TRIM55: variants seen among roughly 807,000 people sequenced by gnomAD.
TRIM55 encodes the protein tripartite motif containing 55.
In TRIM55, 50 loss-of-function variants were observed where a neutral mutation model predicts 60.9. The ratio of observed to expected loss-of-function variants is 0.82; its 90% CI spans 0.65 to 1.04. The LOEUF (loss-of-function observed/expected upper bound fraction) is 1.04, where lower values mean the gene tolerates loss of function less well. Among genes scored for constraint, TRIM55 ranks in the 50% least tolerant of loss-of-function variants. The pLI, the probability that TRIM55 is intolerant of heterozygous loss-of-function variation, is 0.00. For synonymous variants in TRIM55, 237 were observed against 238.1 expected (o/e 1.00, Z 0.04); for missense variants, 681 against 666.9 (o/e 1.02, Z -0.23).
intron 4 of TRIM55, among the ~76,000 whole-genome samples, chr8:66,147,705 G>A (rs1810170820): frequency 6.9e-6 from 1 of 144,370 alleles, no homozygotes; most frequent in South Asian, 2.3e-4. Context: ...TGAGGCAGGA[G>A]AATCACTTGA....
In TRIM55 at chr8:66,167,630, T is replaced by C. The variant is rs144972004; in HGVS notation, c.1525-6841T>C. 4.3e-3 allele frequency among the ~76,000 whole-genome samples: 660 copies of C among 152,286 alleles called. 2 individuals carry two copies. Among genetic ancestry groups the C allele is most frequent in the Middle Eastern group, 0.01 (3 of 294 alleles). On this transcript the variant is annotated intron_variant, in intron 9 of 9. Coordinates refer to ENST00000315962, the MANE Select transcript of TRIM55 (RefSeq NM_184085.2). Reference sequence around the variant, plus strand: ...GATGGGCCTCAGGAAATTATTCTCATTTCCGATTTTCTCTTAGCAAGAAGG... The same window carrying C: ...GATGGGCCTCAGGAAATTATTCTCACTTCCGATTTTCTCTTAGCAAGAAGG...
chr8:66,146,207 C>T (rs1167679706), intron 4 of TRIM55, among the ~76,000 whole-genome samples: 1 of 151,678 alleles, frequency 6.6e-6, no homozygotes, highest in Admixed American at 6.6e-5. Flanking sequence ...AAGCATAGAC[C>T]GCATATGGGG....
At chr8:66,135,331 G>A (rs1425937085) in intron 3 of TRIM55, among the ~76,000 whole-genome samples, 176 bp downstream of exon 3, 1 of 152,228 alleles carries the variant, frequency 6.6e-6, no homozygotes, top group Non-Finnish European at 1.5e-5. Flanking sequence ...AGTTGTGCAC[G>A]AGGCACACAC....
intron 6 of TRIM55, 27 bp from the exon 7 acceptor site, chr8:66,150,315 G>A: frequency 6.2e-7 from 1 of 1,614,084 alleles, no homozygotes; most frequent in Non-Finnish European, 8.5e-7. Context: ...AACAGTGACA[G>A]AAAGTGGCAA....
At chr8:66,136,497 C>A (rs1364896165) in intron 3 of TRIM55, among the ~76,000 whole-genome samples, 1 of 152,186 alleles carries the variant, frequency 6.6e-6, no homozygotes, top group Non-Finnish European at 1.5e-5. Context: ...AAGTGCCCCT[C>A]CAGTGCTCCT....
rs116074511 is a variant in TRIM55, at chr8:66,169,193, G to A, written c.1525-5278G>A. 4.9e-3 allele frequency among the ~76,000 whole-genome samples: 746 copies of A among 152,306 alleles called. 7 individuals carry two copies. The highest frequency in any genetic ancestry group is 0.017 in the African/African-American group (727 of 41,560). The stretch of plus-strand genomic sequence containing the variant: ...CAAACTTGTGCCAGAGTGAATGTCA[G>A]GAAAGCATTTGTTTAGTTTCATTAG... On this transcript the variant is annotated intron_variant, in intron 9 of 9. Transcript: ENST00000315962.
intron 9 of TRIM55, among the ~76,000 whole-genome samples, chr8:66,171,520 CT>C (rs1402340545): frequency 1.3e-5 from 2 of 152,150 alleles, no homozygotes; most frequent in Non-Finnish European, 2.9e-5. Flanking sequence ...GACTATCAAT[CT>C]GTTGTTTACC....
chr8:66,113,439 G>C, the TRIM55 span: 11 of 449,716 alleles, frequency 2.4e-5, no homozygotes, highest in Admixed American at 9.5e-5. Context: ...TAGGTCGCTG[G>C]TTCGATTCCG....
At chr8:66,156,696 C>T (rs931051043) in intron 9 of TRIM55, among the ~76,000 whole-genome samples, 1 of 152,086 alleles carries the variant, frequency 6.6e-6, no homozygotes, top group African/African-American at 2.4e-5. Context: ...ACTGACTTTT[C>T]CCTGGGTTGA....
the TRIM55 span, among the ~76,000 whole-genome samples, chr8:66,115,801 A>C: frequency 6.6e-6 from 1 of 152,184 alleles, no homozygotes; most frequent in Non-Finnish European, 1.5e-5. Context: ...TTTGTTTCTC[A>C]AGTGGGGATA....
intron 9 of TRIM55, among the ~76,000 whole-genome samples, chr8:66,171,930 G>A (rs1313335937): frequency 6.6e-6 from 1 of 151,586 alleles, no homozygotes; most frequent in Non-Finnish European, 1.5e-5. Context: ...GCCCAATTCT[G>A]GAAAAATGAG....
the TRIM55 span, among the ~76,000 whole-genome samples, chr8:66,115,712 C>T: frequency 1.1e-4 from 16 of 152,198 alleles, no homozygotes; most frequent in African/African-American, 3.9e-4. Context: ...GCTGTAAAAC[C>T]TGATGGCCTT....
chr8:66,172,661 C>T (rs1470487084), intron 9 of TRIM55, among the ~76,000 whole-genome samples: 1 of 152,218 alleles, frequency 6.6e-6, no homozygotes, highest in Non-Finnish European at 1.5e-5. Context: ...GTCCCAGGGG[C>T]TTGTTCGCTA....
At position 66,128,834 on chromosome 8, in the gene TRIM55, A is replaced by G. The variant is rs763855238; in HGVS notation, c.341+358A>G. Among the ~76,000 whole-genome samples, 10 of 150,894 alleles carry G rather than the reference A, an allele frequency of 6.6e-5. No individual in the cohort carries two copies. The South Asian group carries it at 1.0e-3, about 16-fold the overall frequency. ...AGGCACTTTGTAGCTCCAGATCCCT[A>G]CAAAGCAAAGAAAAAAAAATCTAGT... is the stretch of plus-strand genomic sequence containing the variant. On this transcript the variant is annotated intron_variant, in intron 2 of 9. Coordinates refer to ENST00000315962, the MANE Select transcript of TRIM55 (RefSeq NM_184085.2).
At chr8:66,120,391 TA>T in the TRIM55 span, among the ~76,000 whole-genome samples, 1 of 152,174 alleles carries the variant, frequency 6.6e-6, no homozygotes, top group East Asian at 1.9e-4. Context: ...TAGTTTATGC[TA>T]ATGAGATAAC....
At chr8:66,152,187 A>T in intron 7 of TRIM55, 190 bp from the exon 8 acceptor site, 1 of 693,590 alleles carries the variant, frequency 1.4e-6, no homozygotes, top group Non-Finnish European at 2.4e-6. Context: ...TGGTTCCTTC[A>T]CATTTGTCCA....
upstream of TRIM55, among the ~76,000 whole-genome samples, chr8:66,124,054 C>T (rs558246470): frequency 2.0e-5 from 3 of 152,298 alleles, no homozygotes; most frequent in Admixed American, 2.0e-4. Flanking sequence ...CAGCCTCTCA[C>T]TACATCGTCG....
Position 66,154,387 on chromosome 8 carries a change from C to T in TRIM55, c.1524+53C>T, listed in dbSNP as rs114271427. On this transcript the variant is annotated intron_variant, in intron 9 of 9. Coordinates refer to ENST00000315962, the MANE Select transcript of TRIM55 (RefSeq NM_184085.2). The stretch of plus-strand genomic sequence containing the variant: ...CTTTCCCGCGCCCCCTAGGGTCCCA[C>T]TGGAACAGGCCACAGCAAGAAGAAA... 1.3e-3 allele frequency: 1,984 copies of T among 1,575,124 alleles called. 22 individuals carry two copies. The African/African-American group carries it at 0.024, about 19-fold the overall frequency.
intron 2 of TRIM55, among the ~76,000 whole-genome samples, chr8:66,131,545 C>T (rs1238508199): frequency 6.6e-6 from 1 of 152,206 alleles, no homozygotes. Context: ...TTACTCTCCC[C>T]CTGGGTTGAA....
Sources: allele counts gnomAD v4.1 joint callset (sites outside exome capture counted in the v4.1 genomes callset), GRCh38; gene constraint gnomAD v4.1.1; transcripts MANE v1.5; gene names NCBI Gene and HGNC (gene_info 2026-07-23, HGNC 2026-07-21).